The following ZBTB16 variants were observed in gnomAD, a reference collection of about 807,000 sequenced individuals.
ZBTB16 encodes zinc finger and BTB domain-containing protein 16.
ZBTB16 carries 8 observed loss-of-function variants against 56.8 expected under a neutral mutation model. That is an observed-to-expected ratio of 0.14 (90% CI 0.08 to 0.25). The LOEUF (loss-of-function observed/expected upper bound fraction) is 0.25. Ranked by LOEUF, ZBTB16 falls within the 10% of genes least tolerant of loss-of-function variation. ZBTB16 has a pLI of 1.00. For synonymous variants in ZBTB16, 363 were observed against 368.5 expected, an observed-to-expected ratio of 0.98 and a Z score of 0.17; for missense variants, 625 against 903.0, an observed-to-expected ratio of 0.69 and a Z score of 3.95.
chr11:114,156,941 G>C (rs1942429656), intron 3 of ZBTB16, among the ~76,000 whole-genome samples: 1 of 152,136 alleles, frequency 6.6e-6, no homozygotes, highest in South Asian at 2.1e-4. Context: ...TCTGCCCCAC[G>C]AGGCGTGGAA....
chr11:114,213,045 C>T (rs576819607), intron 4 of ZBTB16, among the ~76,000 whole-genome samples: 38 of 151,998 alleles, frequency 2.5e-4, no homozygotes, highest in African/African-American at 9.2e-4. Flanking sequence ...CTGTCTGTTC[C>T]CCCATCCCCC....
At chr11:114,233,076 C>CGT (rs1228000323) in intron 4 of ZBTB16, among the ~76,000 whole-genome samples, 2 of 45,324 alleles carry the variant, frequency 4.4e-5, no homozygotes, top group African/African-American at 7.6e-5. Context: ...TGCGCGCGCG[C>CGT]GCGCGCACAC....
At chr11:114,090,318 C>T (rs1443313898) in intron 2 of ZBTB16, among the ~76,000 whole-genome samples, 2 of 152,124 alleles carry the variant, frequency 1.3e-5, no homozygotes, top group African/African-American at 4.8e-5. Flanking sequence ...GGGGAATGTC[C>T]TGGTTCTATT....
intron 4 of ZBTB16, among the ~76,000 whole-genome samples, chr11:114,206,019 C>T (rs994571181): frequency 6.6e-6 from 1 of 152,174 alleles, no homozygotes; most frequent in Non-Finnish European, 1.5e-5. Flanking sequence ...GCTTAGATTC[C>T]TTGTTCTGGG....
At chr11:114,148,445 C>CTCTTTTTCTTTCTTTCTTTCTTTCTT (rs763868689) in intron 2 of ZBTB16, among the ~76,000 whole-genome samples, 3 of 56,876 alleles carry the variant, frequency 5.3e-5, no homozygotes, top group African/African-American at 1.7e-4. Context: ...CTTTCTCTCT[C>CTCTTTTTCTTTCTTTCTTTCTTTCTT]TCTGTCTGTC....
chr11:114,208,471 A>G (rs1943932895), intron 4 of ZBTB16, among the ~76,000 whole-genome samples: 1 of 152,146 alleles, frequency 6.6e-6, no homozygotes, highest in Non-Finnish European at 1.5e-5. Context: ...AAGGGATGTG[A>G]GGACCAAAAT....
intron 6 of ZBTB16, among the ~76,000 whole-genome samples, chr11:114,249,106 C>T (rs1249267202): frequency 6.6e-6 from 1 of 151,154 alleles, no homozygotes; most frequent in Non-Finnish European, 1.5e-5. Context: ...TCCCATCCCA[C>T]CCCACCCCCA....
At chr11:114,197,263 G>C (rs1943631480) in intron 4 of ZBTB16, among the ~76,000 whole-genome samples, 1 of 152,182 alleles carries the variant, frequency 6.6e-6, no homozygotes, top group African/African-American at 2.4e-5. Flanking sequence ...GTTGTCGGCT[G>C]CAAGAGTCTT....
At chr11:114,248,144 C>T (rs967546901) in intron 6 of ZBTB16, among the ~76,000 whole-genome samples, 2 of 152,178 alleles carry the variant, frequency 1.3e-5, no homozygotes, top group African/African-American at 4.8e-5. Flanking sequence ...AAGTGATTCA[C>T]CCGCCTCGGC....
At chr11:114,189,582 G>T (rs1943443305) in intron 4 of ZBTB16, 1 of 152,084 alleles carries the variant, frequency 6.6e-6, no homozygotes, top group African/African-American at 2.4e-5. Context: ...TGGCCAACAT[G>T]GTGAAACCCC....
rs907001196 is a variant in ZBTB16 at position 114,132,188 on chromosome 11, G to A, written c.1269-24149G>A. Among the ~76,000 whole-genome samples the A allele has an allele frequency of 3.3e-5, 5 of 152,006 alleles. No individual in the cohort carries two copies. In the East Asian group the frequency reaches 7.7e-4, roughly 23 times the overall value. On this transcript the variant is annotated intron_variant, in intron 2 of 6. Transcript: ENST00000335953. ...ATAGGTCTAGAATGCTGTACAAGAC[G>A]GGTTAAATGAAGTCTGTGTGTGTCT...
At chr11:114,076,735 C>T (rs970696491) in intron 2 of ZBTB16, among the ~76,000 whole-genome samples, 3 of 146,172 alleles carry the variant, frequency 2.1e-5, no homozygotes, top group Non-Finnish European at 4.5e-5. Flanking sequence ...CCTTGAAGTT[C>T]AGTGTGGAAA....
chr11:114,105,455 G>A (rs929595603), intron 2 of ZBTB16, among the ~76,000 whole-genome samples: 1 of 152,088 alleles, frequency 6.6e-6, no homozygotes, highest in African/African-American at 2.4e-5. Context: ...GGCCAGGCTG[G>A]TCTCAAACTC....
At chr11:114,100,201 T>C (rs1940558805) in intron 2 of ZBTB16, among the ~76,000 whole-genome samples, 1 of 152,232 alleles carries the variant, frequency 6.6e-6, no homozygotes, top group South Asian at 2.1e-4. Context: ...AGTGGCAAAA[T>C]GTCTCTTTCC....
chr11:114,085,192 G>A (rs1174340704), intron 2 of ZBTB16, among the ~76,000 whole-genome samples: 1 of 152,158 alleles, frequency 6.6e-6, no homozygotes, highest in South Asian at 2.1e-4. Context: ...ATGGACAAAC[G>A]TACCTCAAAC....
At chr11:114,062,098 C>G (rs1200445948) in intron 1 of ZBTB16, among the ~76,000 whole-genome samples, 1 of 143,790 alleles carries the variant, frequency 7.0e-6, no homozygotes, top group African/African-American at 2.5e-5. Context: ...TGTAAACACA[C>G]ACACACTTTT....
Position 114,253,150 on chromosome 11 carries a change from A to G in ZBTB16, c.*2595A>G, listed in dbSNP as rs1944945433. 6.6e-6 allele frequency among the ~76,000 whole-genome samples: 1 copy of G among 152,108 alleles called. No homozygotes were observed. Among genetic ancestry groups the G allele is most frequent in the Non-Finnish European group, 1.5e-5 (1 of 68,036 alleles). On this transcript the variant is annotated 3_prime_UTR_variant, in exon 7 of 7. Coordinates refer to ENST00000335953, the MANE Select transcript of ZBTB16 (RefSeq NM_006006.6). ...TCAGGGGATCTGTAAATCCCAGAAAACAGTATTTTTAACAGCAAGATGTCA... is the reference window on the plus strand; with the variant it reads ...TCAGGGGATCTGTAAATCCCAGAAAGCAGTATTTTTAACAGCAAGATGTCA...
intron 3 of ZBTB16, among the ~76,000 whole-genome samples, chr11:114,168,281 A>T (rs1309165171): frequency 6.6e-6 from 1 of 152,208 alleles, no homozygotes; most frequent in Non-Finnish European, 1.5e-5. Flanking sequence ...CCCAGGAGTC[A>T]GCAATCTGGA....
At chr11:114,193,544 A>T (rs1200913251) in intron 4 of ZBTB16, among the ~76,000 whole-genome samples, 1 of 152,164 alleles carries the variant, frequency 6.6e-6, no homozygotes, top group Non-Finnish European at 1.5e-5. Context: ...TCACAGCGCT[A>T]CTTCCTGCTG....
Sources: gnomAD v4.1 joint callset for allele counts (sites outside exome capture counted in the v4.1 genomes callset) on GRCh38, gnomAD v4.1.1 for gene constraint, MANE v1.5 for transcripts, NCBI Gene and HGNC (gene_info 2026-07-23, HGNC 2026-07-21) for gene names.